LRBA: variants seen among roughly 807,000 people sequenced by gnomAD.
LRBA encodes LPS responsive beige-like anchor protein, also known as lipopolysaccharide-responsive and beige-like anchor protein.
A neutral mutation model predicts 330.0 loss-of-function variants in LRBA; 176 were observed. That is an observed-to-expected ratio of 0.53 (90% CI 0.47 to 0.60). The LOEUF is 0.60. LRBA is among the 20% of genes least tolerant of loss of function. LRBA has a pLI of 0.00. For missense variants in LRBA, 3,259 were observed against 3,444.8 expected, an observed-to-expected ratio of 0.95 and a Z score of 1.35; for synonymous variants, 1,230 against 1,193.0, an observed-to-expected ratio of 1.03 and a Z score of -0.64.
At chr4:150,761,933 C>A (rs1735150733) in intron 34 of LRBA, 86 bp from the exon 35 acceptor site, 3 of 723,742 alleles carry the variant, frequency 4.1e-6, no homozygotes, top group Non-Finnish European at 7.1e-6. Context: ...AAATATCACC[C>A]ATATCAATTT....
intron 36 of LRBA, among the ~76,000 whole-genome samples, chr4:150,717,828 T>C (rs1728441736): frequency 6.6e-6 from 1 of 151,828 alleles, no homozygotes; most frequent in African/African-American, 2.4e-5. Context: ...TACAGTATGT[T>C]AGATAAAATT....
intron 36 of LRBA, among the ~76,000 whole-genome samples, chr4:150,719,179 T>C (rs1262469687): frequency 6.6e-6 from 1 of 152,058 alleles, no homozygotes; most frequent in East Asian, 1.9e-4. Flanking sequence ...AACAGAGTTT[T>C]AGAAACATTT....
At chr4:150,518,447 T>C (rs1425989515) in intron 40 of LRBA, among the ~76,000 whole-genome samples, 2 of 152,344 alleles carry the variant, frequency 1.3e-5, no homozygotes, top group Admixed American at 6.5e-5. Flanking sequence ...AGCAAAACCA[T>C]GGATAAGGGG....
At chr4:150,814,202 G>T (rs1051484921) in intron 31 of LRBA, among the ~76,000 whole-genome samples, 2 of 151,912 alleles carry the variant, frequency 1.3e-5, no homozygotes, top group Admixed American at 6.6e-5. Flanking sequence ...TTATTTTAAT[G>T]GCAGATAACT....
intron 20 of LRBA, among the ~76,000 whole-genome samples, chr4:150,868,687 C>T (rs1320388191): frequency 6.6e-6 from 1 of 152,052 alleles, no homozygotes; most frequent in Non-Finnish European, 1.5e-5. Context: ...CCTGTAATTC[C>T]AACATTTTGG....
chr4:150,465,833 C>A (rs1581396669), intron 44 of LRBA, among the ~76,000 whole-genome samples: 2 of 151,970 alleles, frequency 1.3e-5, no homozygotes, highest in Non-Finnish European at 2.9e-5. Context: ...GGTACAATTT[C>A]TTAGCTCTAA....
intron 44 of LRBA, among the ~76,000 whole-genome samples, chr4:150,437,288 A>C (rs1490317796): frequency 6.6e-6 from 1 of 152,050 alleles, no homozygotes; most frequent in Non-Finnish European, 1.5e-5. Context: ...TTAGAAGAGG[A>C]TGAAACAAAA....
At chr4:150,564,706 T>A (rs1768894805) in intron 40 of LRBA, among the ~76,000 whole-genome samples, 1 of 151,808 alleles carries the variant, frequency 6.6e-6, no homozygotes, top group African/African-American at 2.4e-5. Context: ...AACAACCCCA[T>A]CAAAAAGTGG....
At chr4:150,808,481 T>C in intron 31 of LRBA, 83 bp from the exon 32 acceptor site, 1 of 755,070 alleles carries the variant, frequency 1.3e-6, no homozygotes, top group Non-Finnish European at 2.3e-6. Context: ...ATTATACCAG[T>C]CAATAAAAGC....
chr4:150,796,666 AT>A (rs1207334326), intron 34 of LRBA, among the ~76,000 whole-genome samples: 1 of 151,978 alleles, frequency 6.6e-6, no homozygotes, highest in Non-Finnish European at 1.5e-5. Flanking sequence ...AATATACTAT[AT>A]TGGAAATAGC....
At chr4:150,275,218 A>T (rs557164665) in intron 56 of LRBA, among the ~76,000 whole-genome samples, 11 of 152,302 alleles carry the variant, frequency 7.2e-5, no homozygotes, top group African/African-American at 2.6e-4. Flanking sequence ...GGCCTTCAAC[A>T]AAATTCACCA....
At chr4:150,489,131 A>ATGTATAATATATAATATATAAGAC (rs1758336783) in intron 41 of LRBA, among the ~76,000 whole-genome samples, 1 of 99,440 alleles carries the variant, frequency 1.0e-5, no homozygotes, top group Non-Finnish European at 1.9e-5. Flanking sequence ...ATATATAAGA[A>ATGTATAATATATAATATATAAGAC]TATATAATAT....
intron 47 of LRBA, among the ~76,000 whole-genome samples, chr4:150,396,400 T>A (rs1261896660): frequency 6.6e-6 from 1 of 151,810 alleles, no homozygotes; most frequent in Non-Finnish European, 1.5e-5. Flanking sequence ...AGCCTCTGGG[T>A]CTCTAGCTTG....
intron 48 of LRBA, among the ~76,000 whole-genome samples, chr4:150,346,001 C>A (rs1456762592): frequency 1.3e-5 from 2 of 152,012 alleles, no homozygotes; most frequent in African/African-American, 4.8e-5. Flanking sequence ...GGAGATGGGG[C>A]CTCACTTTGT....
chr4:150,513,880 C>T (rs1351782295), intron 40 of LRBA, among the ~76,000 whole-genome samples: 1 of 152,160 alleles, frequency 6.6e-6, no homozygotes, highest in Non-Finnish European at 1.5e-5. Context: ...CAGTCCATAG[C>T]ATCTCCAACA....
Position 150,656,651 on chromosome 4 carries a change from G to A in LRBA, c.5921+26900C>T, listed in dbSNP as rs564370905. Among the ~76,000 whole-genome samples the A allele has an allele frequency of 1.1e-4, 17 of 152,244 alleles. No individual in the cohort carries two copies. In the Middle Eastern group the frequency reaches 0.014, roughly 122 times the overall value. ...CTATGATAAAATTCCCTTGATTGCA[G>A]AAGTAGTCATTCAGACAACTGTAAG... On this transcript the variant is annotated intron_variant, in intron 37 of 56. Transcript: ENST00000651943.
At chr4:150,715,202 C>T (rs987580026) in intron 36 of LRBA, among the ~76,000 whole-genome samples, 3 of 152,088 alleles carry the variant, frequency 2.0e-5, no homozygotes, top group Admixed American at 6.6e-5. Flanking sequence ...AAGATGTAAA[C>T]CATTTGAGTT....
intron 47 of LRBA, among the ~76,000 whole-genome samples, chr4:150,397,508 G>C (rs1261081458): frequency 6.6e-6 from 1 of 152,050 alleles, no homozygotes; most frequent in Non-Finnish European, 1.5e-5. Context: ...AAACTCCCAG[G>C]CTCAAGCAAT....
At chr4:150,410,317 A>G (rs1375030189) in intron 47 of LRBA, among the ~76,000 whole-genome samples, 1 of 152,184 alleles carries the variant, frequency 6.6e-6, no homozygotes, top group Non-Finnish European at 1.5e-5. Flanking sequence ...AATGATAGAA[A>G]CAAGTTTAGA....
Sources: gnomAD v4.1 joint callset for allele counts (sites outside exome capture counted in the v4.1 genomes callset) on GRCh38, gnomAD v4.1.1 for gene constraint, MANE v1.5 for transcripts, NCBI Gene and HGNC (gene_info 2026-07-23, HGNC 2026-07-21) for gene names.